Variants in BICD1 observed in about 807,000 individuals in gnomAD.
BICD1 encodes the protein BICD cargo adaptor 1, also known as protein bicaudal D homolog 1.
In BICD1, 35 loss-of-function variants were observed where a neutral mutation model predicts 92.5. That is an observed-to-expected ratio of 0.38 (90% confidence interval 0.29 to 0.50). The LOEUF is 0.50. Ranked by LOEUF, BICD1 falls within the 20% of genes least tolerant of loss-of-function variation. The pLI is 0.93. For synonymous variants in BICD1, 429 were observed against 465.1 expected (o/e 0.92, Z 1.00); for missense variants, 950 against 1,189.8 (o/e 0.80, Z 2.97).
At chr12:32,353,252 T>C (rs1274177189) in intron 8 of BICD1, 1 of 152,204 alleles carries the variant, frequency 6.6e-6, no homozygotes, top group Admixed American at 6.5e-5. Context: ...TGAAAATGAA[T>C]AAGCATCTTC....
chr12:32,325,098 G>A (rs1453799871), intron 4 of BICD1, among the ~76,000 whole-genome samples: 1 of 151,476 alleles, frequency 6.6e-6, no homozygotes, highest in East Asian at 1.9e-4. Context: ...CTCAGCCCCT[G>A]GAGTAGCTAG....
intron 9 of BICD1, 94 bp downstream of exon 9, chr12:32,367,839 T>C (rs1215109549): frequency 5.3e-6 from 6 of 1,137,640 alleles, no homozygotes; most frequent in Non-Finnish European, 7.9e-6. Flanking sequence ...CTACGCATCA[T>C]TGTATTTTGC....
chr12:32,319,014 T>A (rs1948579850), intron 4 of BICD1, among the ~76,000 whole-genome samples: 1 of 152,372 alleles, frequency 6.6e-6, no homozygotes, highest in South Asian at 2.1e-4. Context: ...ACTTGCTTAT[T>A]AGTCCTAATA....
intron 1 of BICD1, among the ~76,000 whole-genome samples, chr12:32,149,993 T>C (rs769471476): frequency 1.3e-5 from 2 of 152,174 alleles, no homozygotes; most frequent in Non-Finnish European, 2.9e-5. Context: ...CTCACAGTCA[T>C]GGCAGAAGGT....
chr12:32,177,441 C>CTT (rs148215433), intron 1 of BICD1, among the ~76,000 whole-genome samples: 1 of 136,590 alleles, frequency 7.3e-6, no homozygotes, highest in Non-Finnish European at 1.6e-5. Context: ...GTTTCTGGGA[C>CTT]TTTTTTTTTT....
At chr12:32,166,105 CATTT>C (rs778850950) in intron 1 of BICD1, among the ~76,000 whole-genome samples, 2,777 of 121,910 alleles carry the variant, frequency 0.023, 98 homozygotes, top group African/African-American at 0.073. Context: ...TGTCTGGAGA[CATTT>C]ATTTATTTAT....
chr12:32,234,351 A>G (rs1364192744), intron 2 of BICD1, among the ~76,000 whole-genome samples: 1 of 151,914 alleles, frequency 6.6e-6, no homozygotes, highest in Non-Finnish European at 1.5e-5. Context: ...TAATCCCAGC[A>G]CTTTGGGAGG....
At chr12:32,322,591 C>T (rs1156308604) in intron 4 of BICD1, among the ~76,000 whole-genome samples, 1 of 152,198 alleles carries the variant, frequency 6.6e-6, no homozygotes, top group Non-Finnish European at 1.5e-5. Flanking sequence ...TAATAGGCCA[C>T]AAACTGGTAC....
At chr12:32,325,149 T>G (rs1427425178) in intron 4 of BICD1, among the ~76,000 whole-genome samples, 4 of 5,398 alleles carry the variant, frequency 7.4e-4, no homozygotes, top group Non-Finnish European at 2.1e-3. Flanking sequence ...CCATTTATGT[T>G]TTTTTTTTTT....
chr12:32,157,822 G>T (rs1237665207), intron 1 of BICD1, among the ~76,000 whole-genome samples: 1 of 152,140 alleles, frequency 6.6e-6, no homozygotes, highest in Non-Finnish European at 1.5e-5. Flanking sequence ...GCAGTGTGCT[G>T]ATGGTTGGAG....
intron 1 of BICD1, among the ~76,000 whole-genome samples, chr12:32,189,597 T>C (rs1171694313): frequency 6.6e-6 from 1 of 152,148 alleles, no homozygotes; most frequent in Non-Finnish European, 1.5e-5. Context: ...TAAAAATCAC[T>C]ATACCTGCAT....
intron 2 of BICD1, among the ~76,000 whole-genome samples, chr12:32,220,343 A>C (rs1406688766): frequency 6.6e-6 from 1 of 152,222 alleles, no homozygotes; most frequent in Non-Finnish European, 1.5e-5. Flanking sequence ...CAACCTACTC[A>C]TCTGACAAAG....
intron 3 of BICD1, among the ~76,000 whole-genome samples, chr12:32,305,490 A>T (rs1185263374): frequency 6.6e-6 from 1 of 151,346 alleles, no homozygotes; most frequent in Non-Finnish European, 1.5e-5. Flanking sequence ...TCACTATAAT[A>T]CCTAATTATA....
intron 2 of BICD1, among the ~76,000 whole-genome samples, chr12:32,270,480 G>A (rs181876900): frequency 5.9e-5 from 9 of 152,284 alleles, no homozygotes; most frequent in Admixed American, 5.9e-4. Flanking sequence ...CTGATTAAGT[G>A]AGGTACCACT....
intron 1 of BICD1, among the ~76,000 whole-genome samples, chr12:32,135,032 T>TCTCCTCTCCTCTCCC (rs1201033635): frequency 7.0e-6 from 1 of 142,968 alleles, no homozygotes; most frequent in Non-Finnish European, 1.5e-5. Context: ...CCTCCTCTCC[T>TCTCCTCTCCTCTCCC]CTCCTCTCCC....
In BICD1 at chr12:32,382,237, CAA is replaced by C. The variant is rs1345314469; in HGVS notation, c.*4612_*4613del. On this transcript the variant is annotated 3_prime_UTR_variant, in exon 10 of 10. Transcript: ENST00000652176. The stretch of plus-strand genomic sequence containing the variant: ...AGACATGTCTTTCGTCCTTATTATT[CAA>C]AGTGTAATTGAAAGAGATATTTAGT... 5.3e-5 allele frequency: 8 copies of C among 152,032 alleles called. No individual in the cohort carries two copies. The highest frequency in any genetic ancestry group is 1.7e-4 in the African/African-American group (7 of 41,424). 9.4% of individuals were successfully genotyped at this position (152,032 alleles called of 1,614,324 possible).
chr12:32,318,525 G>A (rs558110623), intron 4 of BICD1, among the ~76,000 whole-genome samples: 1 of 152,128 alleles, frequency 6.6e-6, no homozygotes, highest in South Asian at 2.1e-4. Flanking sequence ...TCTGTTATTG[G>A]TGTATAAGAA....
At chr12:32,244,660 C>T (rs1236525797) in intron 2 of BICD1, among the ~76,000 whole-genome samples, 3 of 145,402 alleles carry the variant, frequency 2.1e-5, no homozygotes, top group Non-Finnish European at 4.5e-5. Context: ...GATGGAGTCT[C>T]ACTCTGTCGC....
At chr12:32,306,243 T>C (rs1163339228) in intron 4 of BICD1, 121 bp downstream of exon 4, 5 of 1,100,174 alleles carry the variant, frequency 4.5e-6, no homozygotes, top group Non-Finnish European at 6.3e-6. Context: ...TTTCTTCTCT[T>C]TTCTTTTCTG....
Sources: allele counts gnomAD v4.1 joint callset (sites outside exome capture counted in the v4.1 genomes callset), GRCh38; gene constraint gnomAD v4.1.1; transcripts MANE v1.5; gene names NCBI Gene and HGNC (gene_info 2026-07-23, HGNC 2026-07-21).